The following ABHD18 variants were observed in gnomAD, a reference collection of about 807,000 sequenced individuals.
The protein encoded by ABHD18 is cardiolipin-specific deacylase, mitochondrial.
ABHD18 carries 55 observed loss-of-function variants against 65.9 expected under a neutral mutation model. The ratio of observed to expected loss-of-function variants is 0.84; its 90% CI spans 0.67 to 1.05. The LOEUF (loss-of-function observed/expected upper bound fraction) is 1.05, where lower values mean the gene tolerates loss of function less well. ABHD18 is among the 50% of genes least tolerant of loss of function. The pLI, the probability that ABHD18 is intolerant of heterozygous loss-of-function variation, is 0.00. For missense variants in ABHD18, 533 were observed against 558.5 expected (o/e 0.95, Z 0.46); for synonymous variants, 181 against 180.2 (o/e 1.00, Z -0.04).
chr4:128,001,753 C>T, intron 4 of ABHD18: 1 of 1,548,402 alleles, frequency 6.5e-7, no homozygotes, highest in Non-Finnish European at 8.7e-7. Context: ...CTTGATTCTT[C>T]TACCTTTGTA....
chr4:128,027,086 T>C (rs1757479060), intron 10 of ABHD18, among the ~76,000 whole-genome samples: 1 of 152,156 alleles, frequency 6.6e-6, no homozygotes, highest in Non-Finnish European at 1.5e-5. Context: ...CCTTGCCTAC[T>C]GTACCTTTTC....
chr4:128,011,390 C>T (rs529657220), intron 6 of ABHD18, among the ~76,000 whole-genome samples: 4 of 151,808 alleles, frequency 2.6e-5, no homozygotes, highest in South Asian at 2.1e-4. Context: ...CCTCGTGATC[C>T]GCCCGCCTTG....
At chr4:128,032,969 G>A (rs889105960) in intron 12 of ABHD18, among the ~76,000 whole-genome samples, 1 of 151,644 alleles carries the variant, frequency 6.6e-6, no homozygotes. Context: ...TATCCAGTGG[G>A]TGGGCCGGGC....
rs527897570 is a variant in ABHD18 at position 128,035,575 on chromosome 4, A to C, written c.1344-187A>C. Among the ~76,000 whole-genome samples, 165 of 152,258 alleles carry C rather than the reference A, an allele frequency of 1.1e-3. 1 individual carries two copies. In the South Asian group the frequency reaches 0.012, roughly 11 times the overall value. ...CGACAGAGCGAGACCCTGTCTCAAA[A>C]GAAAAAAAAAAGTTACATGGATTCA... On this transcript the variant is annotated intron_variant, in intron 12 of 12. Coordinates refer to ENST00000645843, the MANE Select transcript of ABHD18 (RefSeq NM_001358451.3).
At chr4:128,007,349 G>T (rs1445443171) in intron 4 of ABHD18, among the ~76,000 whole-genome samples, 2 of 140,542 alleles carry the variant, frequency 1.4e-5, no homozygotes, top group African/African-American at 5.5e-5. Context: ...AAAAAAAAAA[G>T]GTTAAAATGT....
At chr4:127,977,696 GTC>G (rs1445705809) in intron 1 of ABHD18, among the ~76,000 whole-genome samples, 4 of 152,134 alleles carry the variant, frequency 2.6e-5, no homozygotes, top group Non-Finnish European at 4.4e-5. Context: ...AAACGAATAA[GTC>G]TCTGCTAAAT....
intron 1 of ABHD18, among the ~76,000 whole-genome samples, chr4:127,978,059 C>T (rs1434424101): frequency 1.3e-5 from 2 of 151,990 alleles, no homozygotes; most frequent in African/African-American, 2.4e-5. Flanking sequence ...TATTTTATGT[C>T]ATGACATAAA....
chr4:128,021,734 T>C (rs1174968095), intron 10 of ABHD18, among the ~76,000 whole-genome samples: 2 of 150,146 alleles, frequency 1.3e-5, no homozygotes, highest in African/African-American at 5.1e-5. Context: ...GTTTACTACA[T>C]TTATTAAAAG....
At chr4:128,018,037 G>A (rs958779008) in intron 8 of ABHD18, among the ~76,000 whole-genome samples, 4 of 152,050 alleles carry the variant, frequency 2.6e-5, no homozygotes, top group Non-Finnish European at 2.9e-5. Flanking sequence ...AAAAGCTTGC[G>A]TGCACACTGG....
Position 128,001,720 on chromosome 4 carries a change from A to AAATGC in ABHD18, c.279-7200_279-7199insAATGC, listed in dbSNP as rs1560872976. ...GTGTTCTTTTCTGTCTTCCAGGATT[A>AAATGC]TTGATGAAATGCTTGATACCAACTT... is the stretch of plus-strand genomic sequence containing the variant. On this transcript the variant is annotated intron_variant, in intron 4 of 12. Coordinates refer to ENST00000645843, the MANE Select transcript of ABHD18 (RefSeq NM_001358451.3). 9.7e-6 allele frequency: 15 copies of AAATGC among 1,546,102 alleles called. No homozygotes were observed. In the East Asian group the frequency reaches 3.7e-4, roughly 38 times the overall value.
chr4:127,971,482 CTTTTTT>C (rs1156788634), intron 1 of ABHD18, among the ~76,000 whole-genome samples: 4 of 51,926 alleles, frequency 7.7e-5, no homozygotes, highest in East Asian at 1.3e-3. Context: ...CCAGAGTTGG[CTTTTTT>C]TTTTTTTTTT....
rs1381251572 is a variant in ABHD18, at chr4:128,035,824, A to G, written c.*11A>G. On this transcript the variant is annotated 3_prime_UTR_variant, in exon 13 of 13. Coordinates refer to ENST00000645843, the MANE Select transcript of ABHD18 (RefSeq NM_001358451.3). The stretch of plus-strand genomic sequence containing the variant: ...AAATACGCTAACTAGTTGGATTATT[A>G]TATGTAACCAGTGTGGCCATGATGT... The G allele has an allele frequency of 2.0e-6, 3 of 1,514,496 alleles. No individual in the cohort carries two copies. Among genetic ancestry groups the G allele is most frequent in the Admixed American group, 2.0e-5 (1 of 49,808 alleles). 93.8% of individuals were successfully genotyped at this position (1,514,496 alleles called of 1,614,324 possible).
chr4:128,016,630 C>T (rs1755547396), intron 7 of ABHD18, among the ~76,000 whole-genome samples: 1 of 152,000 alleles, frequency 6.6e-6, no homozygotes, highest in East Asian at 2.0e-4. Context: ...CAAAAATTAG[C>T]CAGGCGTGGT....
rs1330516194 is a variant in ABHD18 at position 128,037,316 on chromosome 4, A to C, written c.*1503A>C. 1 of 152,088 alleles carries C rather than the reference A, an allele frequency of 6.6e-6. No individual in the cohort carries two copies. The highest frequency in any genetic ancestry group is 1.5e-5 in the Non-Finnish European group (1 of 68,064). 9.4% of individuals were successfully genotyped at this position (152,088 alleles called of 1,614,324 possible). A position where few individuals can be genotyped will look rare whatever the true frequency, so the allele number is the denominator to read the frequency against. On this transcript the variant is annotated 3_prime_UTR_variant, in exon 13 of 13. Coordinates refer to ENST00000645843, the MANE Select transcript of ABHD18 (RefSeq NM_001358451.3). Reference sequence around the variant, plus strand: ...GTCTCAAAACAAAACAAAATGCCAAACTTATTTCTCCCTACTAAAAAGTTT... The same window carrying C: ...GTCTCAAAACAAAACAAAATGCCAACCTTATTTCTCCCTACTAAAAAGTTT...
chr4:128,025,363 C>G (rs1757190523), intron 10 of ABHD18, among the ~76,000 whole-genome samples: 1 of 152,064 alleles, frequency 6.6e-6, no homozygotes, highest in Non-Finnish European at 1.5e-5. Context: ...GTTTCAAACT[C>G]CTGGGCTAAA....
chr4:128,021,271 G>A (rs897421007), intron 10 of ABHD18, 33 bp downstream of exon 10: 31 of 1,234,902 alleles, frequency 2.5e-5, no homozygotes, highest in Non-Finnish European at 3.1e-5. Context: ...AACATTGGTG[G>A]TGGGGGGAGT....
At chr4:127,979,880 C>A (rs1748679524) in intron 1 of ABHD18, among the ~76,000 whole-genome samples, 1 of 141,226 alleles carries the variant, frequency 7.1e-6, no homozygotes, top group African/African-American at 2.7e-5. Flanking sequence ...TGTGCCACTG[C>A]ACTCCAGCCT....
Position 128,021,245 on chromosome 4 carries a change from A to G in ABHD18, c.801+7A>G. On this transcript the variant is annotated splice_region_variant and intron_variant, in intron 10 of 12. Transcript: ENST00000645843. ...CATGCTTGAATACTGTGGAGTAAGT[A>G]TTTCACTTTCCACCCAACATTGGTG... 6.8e-7 allele frequency: 1 copy of G among 1,477,384 alleles called. No homozygotes were observed. Among genetic ancestry groups the G allele is most frequent in the Non-Finnish European group, 9.2e-7 (1 of 1,083,104 alleles). 91.5% of individuals were successfully genotyped at this position (1,477,384 alleles called of 1,614,324 possible).
At chr4:127,988,617 C>T (rs917605175) in intron 3 of ABHD18, among the ~76,000 whole-genome samples, 18 of 152,044 alleles carry the variant, frequency 1.2e-4, no homozygotes, top group Admixed American at 6.6e-5. Context: ...GCCTGGCCAA[C>T]ATTTTACATT....
Sources: allele counts gnomAD v4.1 joint callset (sites outside exome capture counted in the v4.1 genomes callset), GRCh38; gene constraint gnomAD v4.1.1; transcripts MANE v1.5; gene names NCBI Gene and HGNC (gene_info 2026-07-23, HGNC 2026-07-21).